The following CSMD2 variants were observed in gnomAD, a reference collection of about 807,000 sequenced individuals.
CSMD2 encodes the protein CUB and sushi domain-containing protein 2.
A neutral mutation model predicts 398.5 loss-of-function variants in CSMD2; 130 were observed. The ratio of observed to expected loss-of-function variants is 0.33; its 90% confidence interval spans 0.28 to 0.38. The LOEUF (loss-of-function observed/expected upper bound fraction) is 0.38. CSMD2 is among the 10% of genes least tolerant of loss of function. CSMD2 has a pLI of 1.00. For synonymous variants in CSMD2, 1,828 were observed against 1,908.5 expected (o/e 0.96, Z 1.10); for missense variants, 3,829 against 4,764.9 (o/e 0.80, Z 5.78).
chr1:33,955,249 C>A (rs534958539), intron 3 of CSMD2, among the ~76,000 whole-genome samples: 2 of 152,160 alleles, frequency 1.3e-5, no homozygotes, highest in East Asian at 3.9e-4. Context: ...TATTTTCCCC[C>A]ACGAGGCGCC....
chr1:33,540,274 A>C (rs1382968059), intron 60 of CSMD2, among the ~76,000 whole-genome samples: 1 of 132,136 alleles, frequency 7.6e-6, no homozygotes, highest in Non-Finnish European at 1.8e-5. Context: ...AAAAAAAAAA[A>C]CACCCCCAAT....
At chr1:33,781,900 C>T (rs1197560788) in intron 12 of CSMD2, among the ~76,000 whole-genome samples, 1 of 151,548 alleles carries the variant, frequency 6.6e-6, no homozygotes, top group African/African-American at 2.4e-5. Flanking sequence ...CCCCCGCCCC[C>T]TGACCTGGGA....
intron 64 of CSMD2, among the ~76,000 whole-genome samples, chr1:33,527,793 C>T (rs545768107): frequency 6.6e-6 from 1 of 151,994 alleles, no homozygotes; most frequent in African/African-American, 2.4e-5. Flanking sequence ...TTTTCCCATC[C>T]AAGTGCACAG....
chr1:34,153,668 A>G (rs1236334211), intron 1 of CSMD2, among the ~76,000 whole-genome samples: 1 of 152,158 alleles, frequency 6.6e-6, no homozygotes, highest in African/African-American at 2.4e-5. Context: ...ATTAAATTGT[A>G]CTTTAACTGG....
At chr1:33,829,519 C>G (rs1291185562) in intron 6 of CSMD2, among the ~76,000 whole-genome samples, 1 of 152,116 alleles carries the variant, frequency 6.6e-6, no homozygotes, top group African/African-American at 2.4e-5. Context: ...TTAGGTATAT[C>G]TGGAGGAGCC....
At chr1:33,582,427 G>C (rs1357802581) in intron 47 of CSMD2, among the ~76,000 whole-genome samples, 1 of 152,130 alleles carries the variant, frequency 6.6e-6, no homozygotes, top group Non-Finnish European at 1.5e-5. Flanking sequence ...GAGAAAAGCT[G>C]CCCCCAGCAG....
chr1:33,798,077 T>C (rs1655158097), intron 10 of CSMD2, among the ~76,000 whole-genome samples: 1 of 152,160 alleles, frequency 6.6e-6, no homozygotes, highest in Non-Finnish European at 1.5e-5. Flanking sequence ...GTACTAGCAC[T>C]CTCTTTTTTT....
chr1:33,606,708 G>A (rs537736126), intron 41 of CSMD2, among the ~76,000 whole-genome samples: 1 of 152,190 alleles, frequency 6.6e-6, no homozygotes, highest in Non-Finnish European at 1.5e-5. Context: ...ACTCAGAGAC[G>A]GGGAGAGAAG....
intron 3 of CSMD2, among the ~76,000 whole-genome samples, chr1:34,031,014 A>G (rs1650342576): frequency 6.6e-6 from 1 of 152,124 alleles, no homozygotes; most frequent in Non-Finnish European, 1.5e-5. Flanking sequence ...ACTTGGAGAG[A>G]ATTACTTTGG....
chr1:34,141,769 C>A (rs988082001), intron 1 of CSMD2, among the ~76,000 whole-genome samples: 1 of 152,100 alleles, frequency 6.6e-6, no homozygotes, highest in African/African-American at 2.4e-5. Flanking sequence ...TCTCCAGCTG[C>A]CAGGTTGGAG....
At chr1:34,162,148 G>T (rs1279030402) in intron 1 of CSMD2, among the ~76,000 whole-genome samples, 2 of 118,898 alleles carry the variant, frequency 1.7e-5, no homozygotes, top group Non-Finnish European at 3.5e-5. Context: ...CTCCAGCCTG[G>T]ACAACAAAAG....
At chr1:33,936,945 G>A (rs1245074030) in intron 3 of CSMD2, among the ~76,000 whole-genome samples, 1 of 152,204 alleles carries the variant, frequency 6.6e-6, no homozygotes, top group Non-Finnish European at 1.5e-5. Context: ...CCATGCAGCC[G>A]GATGGTGGTA....
chr1:33,634,326 A>G (rs1469907619), intron 31 of CSMD2, among the ~76,000 whole-genome samples: 2 of 152,194 alleles, frequency 1.3e-5, no homozygotes, highest in East Asian at 3.8e-4. Flanking sequence ...GGTGCTTACT[A>G]AATGTTTGGC....
chr1:33,628,545 T>C (rs1025543133), intron 32 of CSMD2, among the ~76,000 whole-genome samples: 1 of 151,840 alleles, frequency 6.6e-6, no homozygotes, highest in African/African-American at 2.4e-5. Context: ...GGAGCACACC[T>C]GGAGTCTCAG....
At chr1:33,608,776 G>A (rs72890853) in intron 41 of CSMD2, among the ~76,000 whole-genome samples, 4 of 152,146 alleles carry the variant, frequency 2.6e-5, no homozygotes, top group Admixed American at 6.5e-5. Flanking sequence ...TCCCTCATGG[G>A]CCTCAGAAGG....
intron 5 of CSMD2, among the ~76,000 whole-genome samples, chr1:33,859,537 C>G (rs937609447): frequency 1.3e-5 from 2 of 152,206 alleles, no homozygotes; most frequent in Non-Finnish European, 1.5e-5. Flanking sequence ...TACAAAGTCC[C>G]TTTTACCAAG....
intron 32 of CSMD2, among the ~76,000 whole-genome samples, chr1:33,629,422 T>C (rs894365142): frequency 4.6e-5 from 7 of 152,126 alleles, no homozygotes; most frequent in Non-Finnish European, 1.0e-4. Flanking sequence ...GTCAACTTCC[T>C]CTTAAAAGAG....
At chr1:33,729,059 T>C (rs1646635613) in intron 15 of CSMD2, among the ~76,000 whole-genome samples, 1 of 152,178 alleles carries the variant, frequency 6.6e-6, no homozygotes, top group Non-Finnish European at 1.5e-5. Context: ...CAGGTTTGCA[T>C]CTCAGCAGTG....
chr1:33,610,889 C>T, intron 41 of CSMD2, 152 bp downstream of exon 41: 1 of 698,474 alleles, frequency 1.4e-6, no homozygotes, highest in Non-Finnish European at 2.4e-6. Flanking sequence ...AGAGATCTGC[C>T]ACCAAAAGGA....
Sources: gnomAD v4.1 joint callset for allele counts (sites outside exome capture counted in the v4.1 genomes callset) on GRCh38, gnomAD v4.1.1 for gene constraint, MANE v1.5 for transcripts, NCBI Gene and HGNC (gene_info 2026-07-23, HGNC 2026-07-21) for gene names.